BRCA1: variants seen among roughly 807,000 people sequenced by gnomAD.
BRCA1 encodes BRCA1 DNA repair associated.
Under a neutral mutation model 173.7 loss-of-function variants are expected in BRCA1, and 140 were observed. That is an observed-to-expected ratio of 0.81 (90% CI 0.70 to 0.93). BRCA1 has a LOEUF of 0.93. BRCA1 is among the 40% of genes least tolerant of loss of function. The pLI is 0.00. For missense variants in BRCA1, 1,983 were observed against 2,172.5 expected, an observed-to-expected ratio of 0.91 and a Z score of 1.73; for synonymous variants, 662 against 756.0, an observed-to-expected ratio of 0.88 and a Z score of 2.04.
Position 43,045,406 on chromosome 17 carries a change from T to C in BRCA1, c.*272A>G, listed in dbSNP as rs8176317. 129 of 653,054 alleles carry C rather than the reference T, an allele frequency of 2.0e-4. No homozygotes were observed. Among genetic ancestry groups the C allele is most frequent in the East Asian group, 9.5e-4 (32 of 33,542 alleles). 40.5% of individuals were successfully genotyped at this position (653,054 alleles called of 1,614,324 possible). ...AATAATGAATCAGCATCTTGCTCAA[T>C]TGGTGGCGTTTAAATGGTTTTAAAA... is the stretch of plus-strand genomic sequence containing the variant. On this transcript the variant is annotated 3_prime_UTR_variant, in exon 23 of 23. Transcript: ENST00000357654.
intron 2 of BRCA1, among the ~76,000 whole-genome samples, chr17:43,116,139 T>G (rs931356445): frequency 6.6e-6 from 1 of 152,248 alleles, no homozygotes; most frequent in Non-Finnish European, 1.5e-5. Context: ...ATCTTTAAGC[T>G]CCATAAAGAC....
At position 43,094,132 on chromosome 17, in the gene BRCA1, T is replaced by G. The variant is rs80357279; in HGVS notation, c.1399A>C (p.Lys467Gln). The change falls in exon 10 of 23, where the codon AAG becomes CAG. Residue 467 changes from lysine to glutamine, a missense_variant. Physicochemically the swap from Lys to Gln is moderately conservative, Grantham distance 53 (BLOSUM62 1). Transcript: ENST00000357654. ...CTTAAGTTGGGGAGGCTTGCCTTCT[T>G]CCGATAGGTTTTCCCAAATATTTTG... ...EDKIFGKTYRKKASLPNLSHV... is the reference protein window; with the variant it reads ...EDKIFGKTYRQKASLPNLSHV... 1 of 1,614,102 alleles carries G rather than the reference T, an allele frequency of 6.2e-7. No individual in the cohort carries two copies.
Position 43,092,497 on chromosome 17 carries a change from T to C in BRCA1, c.3034A>G (p.Arg1012Gly), listed in dbSNP as rs1555588503. 1.2e-6 allele frequency: 2 copies of C among 1,613,956 alleles called. No individual in the cohort carries two copies. Among genetic ancestry groups the C allele is most frequent in the African/African-American group, 2.7e-5 (2 of 74,946 alleles). Residue 1012 changes from arginine (R) to glycine (G), a missense_variant, in exon 10 of 23, where the codon AGA becomes GGA. Transcript: ENST00000357654. ...GGAATGTTCTCATTTCCCATTTCTC[T>C]TTCAGGTGACATTGAATGTTCCTCA... Reference protein sequence around the residue: ...NFEEHSMSPEREMGNENIPST... With the variant: ...NFEEHSMSPEGEMGNENIPST...
At chr17:43,079,732 G>GCTCACA in intron 12 of BRCA1, 1 of 1,419,994 alleles carries the variant, frequency 7.0e-7, no homozygotes, top group Non-Finnish European at 9.9e-7. Flanking sequence ...GAACCAATGG[G>GCTCACA]AAGGAGCCTG....
intron 16 of BRCA1, among the ~76,000 whole-genome samples, chr17:43,066,767 G>A (rs1362579309): frequency 6.8e-6 from 1 of 146,964 alleles, no homozygotes; most frequent in Non-Finnish European, 1.5e-5. Context: ...CCAGCAGGTA[G>A]ATAGGAGTTA....
chr17:43,096,319 G>A (rs1335323892), intron 8 of BRCA1, among the ~76,000 whole-genome samples: 1 of 142,760 alleles, frequency 7.0e-6, no homozygotes, highest in Non-Finnish European at 1.5e-5. Flanking sequence ...AGACGTTGCG[G>A]AGAGGTGAGA....
At chr17:43,064,469 T>G (rs2051965354) in intron 16 of BRCA1, among the ~76,000 whole-genome samples, 1 of 152,208 alleles carries the variant, frequency 6.6e-6, no homozygotes, top group Non-Finnish European at 1.5e-5. Flanking sequence ...GAGAATACAG[T>G]GCAGAGCTTT....
Position 43,091,959 on chromosome 17 carries a change from C to T in BRCA1, c.3572G>A (p.Ser1191Asn), listed in dbSNP as rs878854948. ...VQKGELSRSP[S>N]PFTHTHLAQG... ...AGCCAAATGTGTATGGGTGAAAGGG[C>T]TAGGACTCCTGCTAAGCTCTCCTTT... The change falls in exon 10 of 23, where the codon AGC becomes AAC. Residue 1191 changes from serine (S) to asparagine (N), a missense_variant. By Grantham distance (46) the Ser-to-Asn change is conservative. Transcript: ENST00000357654. 3 of 1,613,968 alleles carry T rather than the reference C, an allele frequency of 1.9e-6. No homozygotes were observed. Among genetic ancestry groups the T allele is most frequent in the Non-Finnish European group, 2.5e-6 (3 of 1,179,998 alleles).
At chr17:43,124,564 T>A (rs2055776498) in intron 1 of BRCA1, among the ~76,000 whole-genome samples, 1 of 152,142 alleles carries the variant, frequency 6.6e-6, no homozygotes, top group South Asian at 2.1e-4. Context: ...AGCACATCCC[T>A]GCCGGCAGCA....
intron 8 of BRCA1, among the ~76,000 whole-genome samples, chr17:43,096,568 C>T (rs1297425042): frequency 2.8e-5 from 3 of 108,082 alleles, no homozygotes; most frequent in Non-Finnish European, 5.5e-5. Context: ...AAGACCCCGT[C>T]TCCAAAAAAA....
chr17:43,060,585 G>A (rs2051707482), intron 18 of BRCA1, among the ~76,000 whole-genome samples: 1 of 151,662 alleles, frequency 6.6e-6, no homozygotes, highest in Non-Finnish European at 1.5e-5. Flanking sequence ...CCTACCTTTC[G>A]GTTCAAGTGA....
chr17:43,076,970 C>T (rs1351139374), intron 12 of BRCA1, among the ~76,000 whole-genome samples: 1 of 151,764 alleles, frequency 6.6e-6, no homozygotes, highest in Non-Finnish European at 1.5e-5. Context: ...AAATTATGCC[C>T]AAATCCCCTC....
intron 19 of BRCA1, among the ~76,000 whole-genome samples, chr17:43,051,321 ATCT>A (rs1466316860): frequency 3.3e-5 from 5 of 152,192 alleles, no homozygotes; most frequent in East Asian, 3.8e-4. Flanking sequence ...ATTTCAGAAG[ATCT>A]TCTTGAAGTG....
At position 43,071,140 on chromosome 17, in the gene BRCA1, T is replaced by G. The variant is rs1567775261; in HGVS notation, c.4774A>C (p.Asn1592His). The change falls in exon 15 of 23, where the codon AAC becomes CAC. Residue 1592 changes from asparagine (N) to histidine (H), a missense_variant. By Grantham distance (68) the Asn-to-His change is moderately conservative. Transcript: ENST00000357654. Reference protein sequence around the residue: ...DRAPESARVGNIPSSTSALKV... With the variant: ...DRAPESARVGHIPSSTSALKV... ...AATGCAGAGGTTGAAGATGGTATGT[T>G]GCCAACACGAGCTGACTCTGGGGCT... is the stretch of plus-strand genomic sequence containing the variant. 6.2e-7 allele frequency: 1 copy of G among 1,614,204 alleles called. No individual in the cohort carries two copies. Among genetic ancestry groups the G allele is most frequent in the Middle Eastern group, 1.6e-4 (1 of 6,062 alleles).
At chr17:43,112,185 G>A (rs572056940) in intron 3 of BRCA1, among the ~76,000 whole-genome samples, 1 of 152,106 alleles carries the variant, frequency 6.6e-6, no homozygotes, top group African/African-American at 2.4e-5. Flanking sequence ...TGCCTCCTGG[G>A]TTCAAGAGGT....
intron 22 of BRCA1, among the ~76,000 whole-genome samples, chr17:43,046,010 C>T (rs888729129): frequency 3.3e-5 from 5 of 151,674 alleles, no homozygotes; most frequent in Non-Finnish European, 4.4e-5. Flanking sequence ...CAACCTCCGC[C>T]TCCTGGGTTC....
In BRCA1 at chr17:43,071,060, A is replaced by G. The variant is rs750718476; in HGVS notation, c.4854T>C (p.His1618=). ...CATTATACCCAGCAGTATCAGTAGT[A>G]TGAGCAGCAGCTGGACTCTGGGCAG... The part of the protein sequence containing the change: ...AESAQSPAAA[H]TTDTAGYNAM... The change falls in exon 15 of 23, where the codon CAT becomes CAC. Residue 1618 remains histidine, a synonymous_variant. Transcript: ENST00000357654. 2 of 1,614,188 alleles carry G rather than the reference A, an allele frequency of 1.2e-6. No homozygotes were observed. The highest frequency in any genetic ancestry group is 1.7e-6 in the Non-Finnish European group (2 of 1,180,026).
chr17:43,065,040 C>T lies in BRCA1; in HGVS notation c.5075-1089G>A, dbSNP rs191463425. Among the ~76,000 whole-genome samples, 11 of 152,110 alleles carry T rather than the reference C, an allele frequency of 7.2e-5. No homozygotes were observed. In the East Asian group the frequency reaches 1.9e-3, roughly 27 times the overall value. ...AGAGATGGGGTTTCACCGTGTTAGC[C>T]AGGATGGTCTCGATCTCCTGACCTC... On this transcript the variant is annotated intron_variant, in intron 16 of 22. Transcript: ENST00000357654.
intron 15 of BRCA1, 137 bp from the exon 16 acceptor site, chr17:43,067,832 G>T (rs878948899): frequency 1.5e-4 from 48 of 326,320 alleles, no homozygotes; most frequent in East Asian, 2.2e-4. Context: ...ACTATTTAAA[G>T]TGAATTTTTT....
Sources: gnomAD v4.1 joint callset for allele counts (sites outside exome capture counted in the v4.1 genomes callset) on GRCh38, gnomAD v4.1.1 for gene constraint, MANE v1.5 for transcripts, NCBI Gene and HGNC (gene_info 2026-07-23, HGNC 2026-07-21) for gene names.